ABCA1: variants seen among roughly 807,000 people sequenced by gnomAD.
ABCA1 encodes phospholipid-transporting ATPase ABCA1.
Under a neutral mutation model 262.5 loss-of-function variants are expected in ABCA1, and 133 were observed. The observed-to-expected ratio is 0.51, with a 90% confidence interval of 0.44 to 0.59. The LOEUF (loss-of-function observed/expected upper bound fraction) is 0.59. Ranked by LOEUF, ABCA1 falls within the 20% of genes least tolerant of loss-of-function variation. The pLI is 0.00. For synonymous variants in ABCA1, 1,022 were observed against 1,043.5 expected, an observed-to-expected ratio of 0.98 and a Z score of 0.40; for missense variants, 2,452 against 2,777.5, an observed-to-expected ratio of 0.88 and a Z score of 2.63.
intron 11 of ABCA1, among the ~76,000 whole-genome samples, chr9:104,834,917 A>G (rs1004659019): frequency 8.5e-5 from 13 of 152,166 alleles, no homozygotes; most frequent in African/African-American, 2.4e-4. Flanking sequence ...AGGGGGTGAC[A>G]AGCTCATGTT....
chr9:104,917,573 G>A (rs62568201), intron 1 of ABCA1, among the ~76,000 whole-genome samples: 11,234 of 68,736 alleles, frequency 0.16, 717 homozygotes, highest in East Asian at 0.45. Context: ...TGGCCAACAT[G>A]ACGAACCCCA....
intron 30 of ABCA1, among the ~76,000 whole-genome samples, chr9:104,808,270 A>G (rs1266126093): frequency 1.3e-5 from 2 of 152,112 alleles, no homozygotes; most frequent in African/African-American, 2.4e-5. Context: ...TTTTGTCTCT[A>G]TGGGCTGGCT....
At chr9:104,787,844 G>T in intron 46 of ABCA1, 76 bp downstream of exon 46, 1 of 1,613,506 alleles carries the variant, frequency 6.2e-7, no homozygotes. Flanking sequence ...AACAGCCCTG[G>T]ACATATAGGA....
intron 1 of ABCA1, among the ~76,000 whole-genome samples, chr9:104,912,642 G>A (rs1351549062): frequency 6.6e-6 from 1 of 152,160 alleles, no homozygotes; most frequent in African/African-American, 2.4e-5. Flanking sequence ...CAAAATGTTA[G>A]AGATAGCCTC....
rs745311529 is a variant in ABCA1 at position 104,821,494 on chromosome 9, G to A, written c.2841C>T (p.Thr947=). The A allele has an allele frequency of 1.4e-5, 23 of 1,613,798 alleles. No homozygotes were observed. Among genetic ancestry groups the A allele is most frequent in the East Asian group, 6.7e-5 (3 of 44,892 alleles). ...AGKTTTMSIL[T]GLFPPTSGTA... is the part of the protein sequence containing the mutation. The stretch of plus-strand genomic sequence containing the variant: ...TGCCCGAGGTCGGGGGGAACAACCC[G>A]GTCAGGATTGACCTGAGGACAAAAA... The change falls in exon 20 of 50, where the codon ACC becomes ACT. Residue 947 remains threonine, a synonymous_variant. Transcript: ENST00000374736.
intron 46 of ABCA1, 153 bp downstream of exon 46, chr9:104,787,767 G>A: frequency 1.1e-6 from 1 of 943,038 alleles, no homozygotes; most frequent in Non-Finnish European, 1.3e-6. Context: ...GTGTGCCAAG[G>A]GAGAAGCTTC....
At chr9:104,837,170 C>A in intron 10 of ABCA1, 74 bp from the exon 11 acceptor site, 1 of 1,282,344 alleles carries the variant, frequency 7.8e-7, no homozygotes, top group East Asian at 2.3e-5. Flanking sequence ...TGGCTCCTCC[C>A]TGAAAAGATA....
chr9:104,796,692 G>A (rs892827260), intron 37 of ABCA1, among the ~76,000 whole-genome samples: 5 of 152,110 alleles, frequency 3.3e-5, no homozygotes, highest in African/African-American at 9.7e-5. Flanking sequence ...CTTACTGAAC[G>A]ATGGATTCCC....
At chr9:104,836,390 G>A (rs749411555) in intron 11 of ABCA1, among the ~76,000 whole-genome samples, 1 of 152,218 alleles carries the variant, frequency 6.6e-6, no homozygotes, top group African/African-American at 2.4e-5. Flanking sequence ...GCAGGAAGAT[G>A]TGATTAACAG....
chr9:104,787,014 G>GA (rs572405590), intron 46 of ABCA1, 38 bp from the exon 47 acceptor site: 83 of 1,531,948 alleles, frequency 5.4e-5, no homozygotes, highest in East Asian at 1.8e-4. Flanking sequence ...TTGCTGGGGG[G>GA]AAAAAAAATC....
In ABCA1 at chr9:104,818,685, C is replaced by T. The variant is rs1452012565; in HGVS notation, c.3440G>A (p.Ser1147Asn). The T allele has an allele frequency of 6.2e-7, 1 of 1,613,278 alleles. No homozygotes were observed. The highest frequency in any genetic ancestry group is 1.7e-5 in the Admixed American group (1 of 60,028). ...CACCTTTTTCAGGTATGACACAGTG[C>T]TACTACTGTTTCTGCAGGAACTGAG... ...SSLSSCRNSS[S>N]TVSYLKKEDS... The change falls in exon 23 of 50, where the codon AGC becomes AAC. Residue 1147 changes from serine (S) to asparagine (N), a missense_variant. Physicochemically the swap from Ser to Asn is conservative, Grantham distance 46. Around this residue, in one of 4 missense-constraint regions of ABCA1, gnomAD observed 665 missense variants for 727.3 expected, o/e 0.91. Transcript: ENST00000374736.
chr9:104,911,640 T>A (rs1841505675), intron 1 of ABCA1, among the ~76,000 whole-genome samples: 1 of 152,134 alleles, frequency 6.6e-6, no homozygotes, highest in African/African-American at 2.4e-5. Context: ...CTTAAGGGTA[T>A]CCTTGCTAGG....
At chr9:104,829,943 T>TAC (rs59055896) in intron 14 of ABCA1, among the ~76,000 whole-genome samples, 6,620 of 140,832 alleles carry the variant, frequency 0.047, 165 homozygotes, top group Non-Finnish European at 0.058. Flanking sequence ...TCCTGATCCC[T>TAC]ACACACACAC....
chr9:104,822,662 T>C lies in ABCA1; in HGVS notation c.2662A>G (p.Met888Val). 1.9e-6 allele frequency: 3 copies of C among 1,614,048 alleles called. No homozygotes were observed. Among genetic ancestry groups the C allele is most frequent in the Admixed American group, 1.7e-5 (1 of 60,010 alleles). ...TTCAAGTGGGTGGGTTCCTCCTCCA[T>C]GCAGACTGTGACAGGAGAGAAGACA... ...SNQKRISEICMEEEPTHLKLG... is the reference protein window; with the variant it reads ...SNQKRISEICVEEEPTHLKLG... Residue 888 changes from methionine to valine, a missense_variant, in exon 19 of 50, where the codon ATG becomes GTG. By Grantham distance (21) the Met-to-Val change is conservative (BLOSUM62 1). Around this residue, in one of 4 missense-constraint regions of ABCA1, gnomAD observed 1,032 missense variants for 1,089.7 expected, o/e 0.95. Transcript: ENST00000374736.
intron 7 of ABCA1, among the ~76,000 whole-genome samples, chr9:104,849,304 T>C (rs1835174881): frequency 6.6e-6 from 1 of 152,224 alleles, no homozygotes; most frequent in South Asian, 2.1e-4. Flanking sequence ...GATTTTTACA[T>C]TAGCAGACAC....
At chr9:104,786,469 T>G in intron 47 of ABCA1, 79 bp from the exon 48 acceptor site, 1 of 1,233,882 alleles carries the variant, frequency 8.1e-7, no homozygotes. Flanking sequence ...CTTCCAGCAT[T>G]CCAGCTTCCT....
intron 6 of ABCA1, 199 bp downstream of exon 6, chr9:104,861,480 G>T: frequency 1.5e-6 from 1 of 673,764 alleles, no homozygotes; most frequent in Admixed American, 2.7e-5. Flanking sequence ...GGCCCATGAC[G>T]CCAGGTTGCA....
At chr9:104,877,743 C>A (rs138628607) in intron 5 of ABCA1, among the ~76,000 whole-genome samples, 104 of 152,276 alleles carry the variant, frequency 6.8e-4, no homozygotes, top group African/African-American at 2.4e-3. Flanking sequence ...AAACTCTGGG[C>A]CAGAAAGAAT....
intron 49 of ABCA1, 23 bp from the exon 50 acceptor site, chr9:104,784,478 C>T: frequency 1.2e-6 from 2 of 1,613,798 alleles, no homozygotes; most frequent in Non-Finnish European, 1.7e-6. Context: ...TAAGATGGAC[C>T]TTTATAAATA....
Sources: allele counts gnomAD v4.1 joint callset (sites outside exome capture counted in the v4.1 genomes callset), GRCh38; gene constraint gnomAD v4.1.1; regional missense constraint gnomAD v4.1.1; transcripts MANE v1.5; gene names NCBI Gene and HGNC (gene_info 2026-07-23, HGNC 2026-07-21).